PDE7B: variants seen among roughly 807,000 people sequenced by gnomAD.
The protein encoded by PDE7B is phosphodiesterase 7B, also known as 3',5'-cyclic-AMP phosphodiesterase 7B.
In PDE7B, 29 loss-of-function variants were observed where a neutral mutation model predicts 56.2. That is an observed-to-expected ratio of 0.52 (90% CI 0.38 to 0.70). The LOEUF (loss-of-function observed/expected upper bound fraction) is 0.70. PDE7B is among the 30% of genes least tolerant of loss of function. The pLI, the probability that PDE7B is intolerant of heterozygous loss-of-function variation, is 0.00. For synonymous variants in PDE7B, 197 were observed against 196.9 expected (o/e 1.00, Z 0.00); for missense variants, 490 against 565.0 (o/e 0.87, Z 1.35).
Position 136,192,202 on chromosome 6 carries a change from T to C in PDE7B, c.*362T>C. On this transcript the variant is annotated 3_prime_UTR_variant, in exon 13 of 13. Coordinates refer to ENST00000308191, the MANE Select transcript of PDE7B (RefSeq NM_018945.4). ...GCAGCAATTCCTAAGTCCGGAGCGT[T>C]TGAGCGTTTGCTATCTGACTGCTGA... The C allele has an allele frequency of 3.8e-6, 1 of 265,166 alleles. No homozygotes were observed. The highest frequency in any genetic ancestry group is 7.4e-6 in the Non-Finnish European group (1 of 135,946). 16.4% of individuals were successfully genotyped at this position (265,166 alleles called of 1,614,324 possible).
chr6:135,980,168 C>T (rs532967430), intron 2 of PDE7B, among the ~76,000 whole-genome samples: 1 of 152,108 alleles, frequency 6.6e-6, no homozygotes, highest in Non-Finnish European at 1.5e-5. Context: ...TTTGACAAAC[C>T]TGAGAAAAAC....
intron 2 of PDE7B, among the ~76,000 whole-genome samples, chr6:135,953,237 ATCACTTGCT>A (rs1371252264): frequency 6.6e-6 from 1 of 151,176 alleles, no homozygotes; most frequent in African/African-American, 2.4e-5. Flanking sequence ...TTTTGCTCTT[ATCACTTGCT>A]TCAGCTTTTG....
rs528173749 is a variant in PDE7B at position 135,926,115 on chromosome 6, T to C, written c.22-21349T>C. ...GGGGGGGGGGGAGGGGGGATGGAGT[T>C]TCACTCTGTCGCCCAGGCTGCAGTG... On this transcript the variant is annotated intron_variant, in intron 1 of 12. Transcript: ENST00000308191. Among the ~76,000 whole-genome samples the C allele has an allele frequency of 2.8e-3, 342 of 123,552 alleles. 3 individuals are homozygous for C. The highest frequency in any genetic ancestry group is 0.011 in the East Asian group (41 of 3,744). 81.1% of individuals were successfully genotyped at this position (123,552 alleles called of 152,430 possible). A position where few individuals can be genotyped will look rare whatever the true frequency, so the allele number is the denominator to read the frequency against.
At chr6:135,984,597 G>T (rs1306377249) in intron 2 of PDE7B, among the ~76,000 whole-genome samples, 2 of 152,072 alleles carry the variant, frequency 1.3e-5, no homozygotes, top group Admixed American at 1.3e-4. Context: ...GTCTATTCCA[G>T]GAAAAATACC....
chr6:136,139,228 T>A (rs936560927), intron 3 of PDE7B, among the ~76,000 whole-genome samples: 1 of 152,192 alleles, frequency 6.6e-6, no homozygotes, highest in Admixed American at 6.5e-5. Context: ...TGTTTGGTCT[T>A]TTGTCCTTGC....
intron 2 of PDE7B, among the ~76,000 whole-genome samples, chr6:136,104,975 G>C (rs1212659917): frequency 6.6e-6 from 1 of 152,124 alleles, no homozygotes; most frequent in Non-Finnish European, 1.5e-5. Context: ...TGCTTGTTTA[G>C]GTATCTTTGC....
chr6:136,158,250 A>G (rs1778643837), intron 8 of PDE7B, among the ~76,000 whole-genome samples: 1 of 152,146 alleles, frequency 6.6e-6, no homozygotes, highest in Admixed American at 6.5e-5. Context: ...TTGCATGCAC[A>G]TTTTCCTAGG....
At chr6:135,905,234 C>A (rs1418108621) in intron 1 of PDE7B, among the ~76,000 whole-genome samples, 3 of 152,002 alleles carry the variant, frequency 2.0e-5, no homozygotes, top group African/African-American at 7.3e-5. Context: ...TAAGATGTTG[C>A]ATTTAGTAAA....
chr6:135,936,370 T>A (rs1224667255), intron 1 of PDE7B, among the ~76,000 whole-genome samples: 1 of 152,214 alleles, frequency 6.6e-6, no homozygotes, highest in Non-Finnish European at 1.5e-5. Flanking sequence ...TAGGGTCTTA[T>A]AAAGTAGCTT....
intron 12 of PDE7B, among the ~76,000 whole-genome samples, chr6:136,190,383 A>T (rs866703281): frequency 2.6e-5 from 4 of 152,206 alleles, no homozygotes; most frequent in African/African-American, 9.6e-5. Flanking sequence ...AACAGTGTGT[A>T]TTGCTGCATC....
chr6:136,108,686 C>T (rs377677998), intron 2 of PDE7B, 45 bp from the exon 3 acceptor site: 158 of 1,219,424 alleles, frequency 1.3e-4, no homozygotes, highest in Middle Eastern at 1.9e-4. Context: ...AGTGAATGCA[C>T]GTGGCAATGT....
At chr6:136,029,377 C>A (rs1776201927) in intron 2 of PDE7B, among the ~76,000 whole-genome samples, 2 of 152,144 alleles carry the variant, frequency 1.3e-5, no homozygotes, top group Admixed American at 1.3e-4. Flanking sequence ...TCTTGATATT[C>A]TAATTGAGAC....
At chr6:135,906,825 T>TTTTTTTTTGTTTTTTTTTTTTG (rs1776120730) in intron 1 of PDE7B, among the ~76,000 whole-genome samples, 2 of 145,854 alleles carry the variant, frequency 1.4e-5, no homozygotes, top group African/African-American at 5.2e-5. Context: ...TTTTTTTTTT[T>TTTTTTTTTGTTTTTTTTTTTTG]TTTTTTTTTT....
intron 3 of PDE7B, among the ~76,000 whole-genome samples, chr6:136,122,723 T>C (rs1451560491): frequency 6.6e-6 from 1 of 152,204 alleles, no homozygotes; most frequent in Admixed American, 6.5e-5. Context: ...CTCTCAAAAA[T>C]GTGTAGATTC....
chr6:135,984,304 T>C (rs935012317), intron 2 of PDE7B, among the ~76,000 whole-genome samples: 1 of 146,478 alleles, frequency 6.8e-6, no homozygotes. Flanking sequence ...TTTTTGTTTG[T>C]TTTTTTTGTT....
chr6:136,195,053 G>A lies in PDE7B; in HGVS notation c.*3213G>A, dbSNP rs938417972. The A allele has an allele frequency of 6.6e-6, 1 of 152,116 alleles. No individual in the cohort carries two copies. The highest frequency in any genetic ancestry group is 1.5e-5 in the Non-Finnish European group (1 of 68,020). The allele number at this position is 152,116 out of a possible 1,614,324, so 9.4% of individuals were successfully genotyped here. On this transcript the variant is annotated 3_prime_UTR_variant, in exon 13 of 13. Transcript: ENST00000308191. ...AAAGGACTGTGTGTAGTAAGCTGAC[G>A]GTAAAGTTAAGATTAAATTAAGACA... is the stretch of plus-strand genomic sequence containing the variant.
intron 1 of PDE7B, among the ~76,000 whole-genome samples, chr6:135,903,775 G>C (rs1776047668): frequency 6.6e-6 from 1 of 152,128 alleles, no homozygotes. Context: ...TGTATTTTTA[G>C]AGAAATTAAT....
intron 9 of PDE7B, among the ~76,000 whole-genome samples, chr6:136,176,901 T>A (rs998198083): frequency 3.9e-5 from 6 of 152,188 alleles, no homozygotes; most frequent in Non-Finnish European, 7.4e-5. Context: ...TTAATTTGCT[T>A]TCTGCTATAC....
intron 2 of PDE7B, among the ~76,000 whole-genome samples, chr6:136,043,555 G>A (rs73564623): frequency 0.021 from 2,822 of 132,954 alleles, 108 homozygotes; most frequent in African/African-American, 0.073. Context: ...GGTTGTTGTC[G>A]GGATTAAATG....
Sources: gnomAD v4.1 joint callset for allele counts (sites outside exome capture counted in the v4.1 genomes callset) on GRCh38, gnomAD v4.1.1 for gene constraint, MANE v1.5 for transcripts, NCBI Gene and HGNC (gene_info 2026-07-23, HGNC 2026-07-21) for gene names.